Variants in PLEKHA7 observed in about 807,000 individuals in gnomAD.
PLEKHA7 encodes pleckstrin homology domain containing A7, also known as pleckstrin homology domain-containing family A member 7.
In PLEKHA7, 104 loss-of-function variants were observed where a neutral mutation model predicts 170.0. The ratio of observed to expected loss-of-function variants is 0.61; its 90% CI spans 0.52 to 0.72. The LOEUF (loss-of-function observed/expected upper bound fraction) is 0.72, where lower values mean the gene tolerates loss of function less well. Among genes scored for constraint, PLEKHA7 ranks in the 30% least tolerant of loss-of-function variants. PLEKHA7 has a pLI of 0.00. For missense variants in PLEKHA7, 1,615 were observed against 1,671.7 expected (o/e 0.97, Z 0.59); for synonymous variants, 648 against 660.8 (o/e 0.98, Z 0.30).
rs576126330 is a variant in PLEKHA7, at chr11:16,789,118, G to A, written c.3335C>T (p.Pro1112Leu). The change falls in exon 23 of 27, where the codon CCG becomes CTG. Residue 1112 changes from proline (P) to leucine (L), a missense_variant. Transcript: ENST00000531066. The surrounding 1 kb of genome is among the most constrained non-coding windows in gnomAD (Gnocchi z 4.6). ...GLPSSRYLSR[P>L]LPGDLGSWKR... ...TACTGAGCCAAGATCTCCAGGGAGCGGCCGGCTGAGGTAGCGAGATGAGGG... is the reference window on the plus strand; with the variant it reads ...TACTGAGCCAAGATCTCCAGGGAGCAGCCGGCTGAGGTAGCGAGATGAGGG... The A allele has an allele frequency of 1.6e-4, 256 of 1,605,848 alleles. No homozygotes were observed. The highest frequency in any genetic ancestry group is 3.0e-4 in the Admixed American group (18 of 60,012).
chr11:16,871,771 T>A (rs1398660846), intron 3 of PLEKHA7, among the ~76,000 whole-genome samples: 1 of 152,088 alleles, frequency 6.6e-6, no homozygotes, highest in African/African-American at 2.4e-5. Flanking sequence ...TTAGGAAGGA[T>A]CAGCTTCCAC....
rs1420272859 is a variant in PLEKHA7 at position 16,817,310 on chromosome 11, G to T, written c.1356C>A (p.Asp452Glu). Residue 452 changes from aspartate (D) to glutamate (E), a missense_variant, in exon 11 of 27, where the codon GAC becomes GAA. Physicochemically the swap from Asp to Glu is conservative, Grantham distance 45 (BLOSUM62 2). Coordinates refer to ENST00000531066, the MANE Select transcript of PLEKHA7 (RefSeq NM_001329630.2). This position sits in a 1 kb window ranked among gnomAD's most constrained non-coding sequence, Gnocchi z 4.4. Reference sequence around the variant, plus strand: ...CAGGACCCTGGCGAGGAAGCGTCTGGTCCAAGGGAAGACTGAGGAGAAAGG... The same window carrying T: ...CAGGACCCTGGCGAGGAAGCGTCTGTTCCAAGGGAAGACTGAGGAGAAAGG... ...QKGDSRSLPL[D>E]QTLPRQGPGQ... 1 of 1,609,146 alleles carries T rather than the reference G, an allele frequency of 6.2e-7. No homozygotes were observed. The highest frequency in any genetic ancestry group is 1.1e-5 in the South Asian group (1 of 90,824).
intron 3 of PLEKHA7, among the ~76,000 whole-genome samples, chr11:17,009,301 G>C (rs1865188325): frequency 6.6e-6 from 1 of 152,096 alleles, no homozygotes. Flanking sequence ...TCCAGGGGCT[G>C]CTATAAGGAT....
In PLEKHA7 at chr11:16,871,134, A is replaced by T. The variant is rs1259328685; in HGVS notation, c.270T>A (p.Phe90Leu). 1 of 1,609,018 alleles carries T rather than the reference A, an allele frequency of 6.2e-7. No individual in the cohort carries two copies. The highest frequency in any genetic ancestry group is 8.5e-7 in the Non-Finnish European group (1 of 1,175,616). ...TAFRHPVTGQ[F>L]SPENSEFILQ... The stretch of plus-strand genomic sequence containing the variant: ...GAATGAATTCACTATTTTCTGGAGA[A>T]AACTGTCCCGTCACAGGATGCCTGA... Residue 90 changes from phenylalanine to leucine, a missense_variant, in exon 4 of 27, where the codon TTT becomes TTA. Transcript: ENST00000531066.
At chr11:16,992,079 C>CA (rs138852245) in intron 3 of PLEKHA7, among the ~76,000 whole-genome samples, 2,849 of 152,156 alleles carry the variant, frequency 0.019, 111 homozygotes, top group African/African-American at 0.065. Flanking sequence ...CCAGGGACCC[C>CA]CCCCAGCCTG....
chr11:16,812,791 C>T (rs1260323887), intron 13 of PLEKHA7, among the ~76,000 whole-genome samples: 4 of 152,178 alleles, frequency 2.6e-5, no homozygotes, highest in Non-Finnish European at 5.9e-5. Context: ...ACACCCCTGC[C>T]CCCACTGGAG....
chr11:16,783,610 A>C (rs1590104400), intron 25 of PLEKHA7, 90 bp downstream of exon 25: 1 of 1,297,172 alleles, frequency 7.7e-7, no homozygotes, highest in Non-Finnish European at 9.8e-7. Flanking sequence ...CAAAACACGC[A>C]CCCCAGCCAG....
At chr11:16,793,686 G>T (rs1233944815) in intron 19 of PLEKHA7, among the ~76,000 whole-genome samples, 1 of 152,210 alleles carries the variant, frequency 6.6e-6, no homozygotes, top group Non-Finnish European at 1.5e-5. Flanking sequence ...GGCCCTGGAG[G>T]CGTGAGCTCT....
chr11:16,812,246 C>A (rs1849419131), intron 13 of PLEKHA7, among the ~76,000 whole-genome samples: 1 of 152,194 alleles, frequency 6.6e-6, no homozygotes, highest in Non-Finnish European at 1.5e-5. Context: ...CCCTTTCCAT[C>A]TTCTTCCTTA....
At position 16,789,269 on chromosome 11, in the gene PLEKHA7, A is replaced by G. The variant is rs1192562847; in HGVS notation, c.3184T>C (p.Tyr1062His). ...TTGCCTCGCTGGTGATCCCCTGAGT[A>G]CAGGCGCTCCAAGGCACTCTTAGGT... ...PRPKSALERLYSGDHQRGKMS... is the reference protein window; with the variant it reads ...PRPKSALERLHSGDHQRGKMS... The change falls in exon 23 of 27, where the codon TAC becomes CAC. Residue 1062 changes from tyrosine to histidine, a missense_variant. Physicochemically the swap from Tyr to His is moderately conservative, Grantham distance 83. Coordinates refer to ENST00000531066, the MANE Select transcript of PLEKHA7 (RefSeq NM_001329630.2). The surrounding 1 kb of genome is among the most constrained non-coding windows in gnomAD (Gnocchi z 4.6). 6.2e-7 allele frequency: 1 copy of G among 1,613,552 alleles called. No homozygotes were observed. The highest frequency in any genetic ancestry group is 1.3e-5 in the African/African-American group (1 of 75,006).
intron 9 of PLEKHA7, among the ~76,000 whole-genome samples, chr11:16,827,519 A>G (rs77255250): frequency 0.053 from 8,050 of 152,120 alleles, 282 homozygotes; most frequent in Non-Finnish European, 0.081. Context: ...TATAAAGGAG[A>G]ATGGGGAGGG....
chr11:16,959,757 G>A (rs944456772), intron 3 of PLEKHA7, among the ~76,000 whole-genome samples: 2 of 152,212 alleles, frequency 1.3e-5, no homozygotes, highest in Non-Finnish European at 2.9e-5. Context: ...ACGCCCCTGA[G>A]AATGAAAACA....
intron 3 of PLEKHA7, among the ~76,000 whole-genome samples, chr11:16,910,339 G>A (rs1858157840): frequency 6.6e-6 from 1 of 152,194 alleles, no homozygotes; most frequent in South Asian, 2.1e-4. Flanking sequence ...ATTGCAGATT[G>A]GAGTCCAAAG....
chr11:17,002,225 C>T (rs61881292), intron 3 of PLEKHA7, among the ~76,000 whole-genome samples: 1 of 152,138 alleles, frequency 6.6e-6, no homozygotes. Flanking sequence ...TGAGGGATAA[C>T]CCTAGAGGGA....
intron 3 of PLEKHA7, among the ~76,000 whole-genome samples, chr11:16,905,419 G>T (rs1217125429): frequency 1.3e-5 from 2 of 151,920 alleles, no homozygotes; most frequent in Non-Finnish European, 2.9e-5. Flanking sequence ...TAGTATAAAA[G>T]AATTTTTTTT....
Position 16,801,094 on chromosome 11 carries a change from C to T in PLEKHA7, c.2308-19G>A, listed in dbSNP as rs377641909. On this transcript the variant is annotated intron_variant, in intron 16 of 26. Transcript: ENST00000531066. ...CCATCTCCTGTTGGCCAAGACAATG[C>T]TTCCGGTTCTTAGTTATCCCCTGCC... 14 of 1,606,266 alleles carry T rather than the reference C, an allele frequency of 8.7e-6. No homozygotes were observed. Among genetic ancestry groups the T allele is most frequent in the African/African-American group, 1.3e-5 (1 of 74,876 alleles).
chr11:16,783,030 A>T, intron 25 of PLEKHA7, 134 bp from the exon 26 acceptor site: 2 of 991,790 alleles, frequency 2.0e-6, no homozygotes, highest in Non-Finnish European at 2.9e-6. Context: ...CTTTCTCCCT[A>T]GACAAAGGTA....
At chr11:16,820,865 C>T (rs145214545) in intron 10 of PLEKHA7, among the ~76,000 whole-genome samples, 2,388 of 152,286 alleles carry the variant, frequency 0.016, 29 homozygotes, top group Middle Eastern at 0.061. Context: ...GGTACCAGTG[C>T]AATGGTGAGC....
chr11:16,979,808 T>C (rs1590773569), intron 3 of PLEKHA7, among the ~76,000 whole-genome samples: 1 of 152,198 alleles, frequency 6.6e-6, no homozygotes, highest in East Asian at 1.9e-4. Context: ...CTACCAATAT[T>C]TCTCCTCATT....
Sources: allele counts gnomAD v4.1 joint callset (sites outside exome capture counted in the v4.1 genomes callset), GRCh38; gene constraint gnomAD v4.1.1; non-coding constraint Gnocchi (gnomAD v3.1); transcripts MANE v1.5; gene names NCBI Gene and HGNC (gene_info 2026-07-23, HGNC 2026-07-21).